The following LHX6 variants were observed in gnomAD, a reference collection of about 807,000 sequenced individuals.
LHX6 encodes LIM/homeobox protein Lhx6.
In LHX6, 15 loss-of-function variants were observed where a neutral mutation model predicts 47.1. The ratio of observed to expected loss-of-function variants is 0.32; its 90% confidence interval spans 0.21 to 0.49. The LOEUF is 0.49. Ranked by LOEUF, LHX6 falls within the 20% of genes least tolerant of loss-of-function variation. LHX6 has a pLI of 0.99. For synonymous variants in LHX6, 242 were observed against 233.5 expected (o/e 1.04, Z -0.33); for missense variants, 404 against 539.6 (o/e 0.75, Z 2.49).
chr9:122,219,059 G>C (rs559619140), intron 4 of LHX6, among the ~76,000 whole-genome samples: 1 of 152,188 alleles, frequency 6.6e-6, no homozygotes, highest in Non-Finnish European at 1.5e-5. Context: ...CCCTCCACCC[G>C]GGGGAGCATT....
In LHX6 at chr9:122,217,324, C is replaced by A; in HGVS notation, c.462-36G>T. The A allele has an allele frequency of 6.4e-7, 1 of 1,551,846 alleles. No individual in the cohort carries two copies. The highest frequency in any genetic ancestry group is 8.7e-7 in the Non-Finnish European group (1 of 1,144,998). On this transcript the variant is annotated intron_variant, in intron 4 of 9. Transcript: ENST00000394319. This position sits in a 1 kb window ranked among gnomAD's most constrained non-coding sequence, Gnocchi z 4.9. ...AGAGGACAGGCACGGGGTGTCGAGA[C>A]TCAGACAGGCCAACCTTCCTCCTTC... is the stretch of plus-strand genomic sequence containing the variant.
intron 1 of LHX6, 157 bp from the exon 2 acceptor site, chr9:122,227,637 G>C (rs1256230306): frequency 5.2e-6 from 7 of 1,341,206 alleles, no homozygotes; most frequent in Non-Finnish European, 6.7e-6. Flanking sequence ...CCACAAAAGC[G>C]GTGTCTCTCT....
chr9:122,223,872 A>G (rs928288862), intron 4 of LHX6, among the ~76,000 whole-genome samples: 2 of 152,158 alleles, frequency 1.3e-5, no homozygotes, highest in African/African-American at 4.8e-5. Context: ...TGCCAAATCT[A>G]TTGTTAGGAG....
At chr9:122,218,459 T>C (rs1179952172) in intron 4 of LHX6, among the ~76,000 whole-genome samples, 1 of 152,018 alleles carries the variant, frequency 6.6e-6, no homozygotes, top group Non-Finnish European at 1.5e-5. Context: ...ATCTCTGGGA[T>C]CCATCTCCTT....
At chr9:122,215,402 AG>A (rs1292283389) in intron 5 of LHX6, among the ~76,000 whole-genome samples, 1 of 152,240 alleles carries the variant, frequency 6.6e-6, no homozygotes, top group Non-Finnish European at 1.5e-5. Context: ...ATGTTTAAAA[AG>A]TGAAACAGTA....
intron 5 of LHX6, 108 bp downstream of exon 5, chr9:122,216,960 C>T (rs1000114675): frequency 3.3e-6 from 3 of 913,344 alleles, no homozygotes; most frequent in South Asian, 3.2e-5. Context: ...GGGACTATAC[C>T]GGGAGGGCCC....
In LHX6 at chr9:122,213,862, G is replaced by T. The variant is rs752492400; in HGVS notation, c.880-82C>A. ...GGGAGACCCCAGGCGGGACTGCCTCGTCGCCTCCTGGAGAAGGATGGCCAC... is the reference window on the plus strand; with the variant it reads ...GGGAGACCCCAGGCGGGACTGCCTCTTCGCCTCCTGGAGAAGGATGGCCAC... On this transcript the variant is annotated intron_variant, in intron 7 of 9. Coordinates refer to ENST00000394319, the MANE Select transcript of LHX6 (RefSeq NM_014368.5). This position sits in a 1 kb window ranked among gnomAD's most constrained non-coding sequence, Gnocchi z 5.5. 6.6e-7 allele frequency: 1 copy of T among 1,520,810 alleles called. No homozygotes were observed. The highest frequency in any genetic ancestry group is 1.2e-5 in the South Asian group (1 of 84,394). 94.2% of individuals were successfully genotyped at this position (1,520,810 alleles called of 1,614,324 possible). A position where few individuals can be genotyped will look rare whatever the true frequency, so the allele number is the denominator to read the frequency against.
At chr9:122,227,069 G>C in intron 2 of LHX6, 39 bp from the exon 3 acceptor site, 2 of 1,443,810 alleles carry the variant, frequency 1.4e-6, no homozygotes, top group Non-Finnish European at 1.8e-6. Flanking sequence ...GCTGATCCGG[G>C]CACCCAGAGT....
chr9:122,224,823 C>T (rs1831025333), intron 4 of LHX6, among the ~76,000 whole-genome samples: 1 of 152,176 alleles, frequency 6.6e-6, no homozygotes, highest in Non-Finnish European at 1.5e-5. Flanking sequence ...ATGCTATCTA[C>T]ATACCCCCAA....
intron 9 of LHX6, among the ~76,000 whole-genome samples, chr9:122,206,330 G>A (rs1830178716): frequency 6.6e-6 from 1 of 152,186 alleles, no homozygotes; most frequent in African/African-American, 2.4e-5. Context: ...AGCTAGGCAG[G>A]CTCAGGCCTG....
Position 122,213,833 on chromosome 9 carries a change from C to T in LHX6, c.880-53G>A, listed in dbSNP as rs1339124900. On this transcript the variant is annotated intron_variant, in intron 7 of 9. Transcript: ENST00000394319. This position sits in a 1 kb window ranked among gnomAD's most constrained non-coding sequence, Gnocchi z 5.5. ...CCTCGAGGAAAAGAGTCGGACGCGC[C>T]GCCGGGAGACCCCAGGCGGGACTGC... 1 of 1,544,778 alleles carries T rather than the reference C, an allele frequency of 6.5e-7. No homozygotes were observed. Among genetic ancestry groups the T allele is most frequent in the Non-Finnish European group, 8.7e-7 (1 of 1,144,616 alleles).
At position 122,226,238 on chromosome 9, in the gene LHX6, T is replaced by C. The variant is rs1335224767; in HGVS notation, c.461+138A>G. The C allele has an allele frequency of 2.6e-6, 3 of 1,166,868 alleles. No individual in the cohort carries two copies. The highest frequency in any genetic ancestry group is 3.5e-6 in the Non-Finnish European group (3 of 853,886). The allele number at this position is 1,166,868 out of a possible 1,614,324, so 72.3% of individuals were successfully genotyped here. ...GTTCGCGCCGCTGAGCGCCGGCAGGTTGGACCAGCGCTGCGCGCCGGAAGT... is the reference window on the plus strand; with the variant it reads ...GTTCGCGCCGCTGAGCGCCGGCAGGCTGGACCAGCGCTGCGCGCCGGAAGT... On this transcript the variant is annotated intron_variant, in intron 4 of 9. Coordinates refer to ENST00000394319, the MANE Select transcript of LHX6 (RefSeq NM_014368.5). This position sits in a 1 kb window ranked among gnomAD's most constrained non-coding sequence, Gnocchi z 6.5.
In LHX6 at chr9:122,213,718, G is replaced by A. The variant is rs1299862058; in HGVS notation, c.942C>T (p.Pro314=). Residue 314 remains proline (P), a synonymous_variant, in exon 8 of 10, where the codon CCC becomes CCT. Transcript: ENST00000394319. This position sits in a 1 kb window ranked among gnomAD's most constrained non-coding sequence, Gnocchi z 5.5. ...GAAGGCGGGACGGGGGCGCCCCCGAGGGCGGCACTGGGTGTTGCGGCGTGT... is the reference window on the plus strand; with the variant it reads ...GAAGGCGGGACGGGGGCGCCCCCGAAGGCGGCACTGGGTGTTGCGGCGTGT... ...KKHTPQHPVP[P]SGAPPSRLPS... is the part of the protein sequence containing the mutation. 4 of 1,611,784 alleles carry A rather than the reference G, an allele frequency of 2.5e-6. No individual in the cohort carries two copies. The African/African-American group carries it at 5.3e-5, about 22-fold the overall frequency.
rs966981135 is a variant in LHX6, at chr9:122,213,209, G to A, written c.1054+397C>T. On this transcript the variant is annotated intron_variant, in intron 8 of 9. Transcript: ENST00000394319. The surrounding 1 kb of genome is among the most constrained non-coding windows in gnomAD (Gnocchi z 5.5). ...CAGCATCTCCAGTCACTCCTACCCA[G>A]CACCTTTCCTACAGGAATCATCCCA... Among the ~76,000 whole-genome samples the A allele has an allele frequency of 4.0e-5, 6 of 151,880 alleles. No homozygotes were observed. In the East Asian group the frequency reaches 1.2e-3, roughly 29 times the overall value.
chr9:122,206,177 G>GGT (rs1830170336), intron 9 of LHX6, among the ~76,000 whole-genome samples: 2 of 152,202 alleles, frequency 1.3e-5, no homozygotes, highest in African/African-American at 2.4e-5. Flanking sequence ...GAACCTCACA[G>GGT]GTGTGTGTGG....
intron 4 of LHX6, chr9:122,221,710 T>C: frequency 2.0e-6 from 2 of 985,448 alleles, no homozygotes; most frequent in Non-Finnish European, 2.4e-6. Flanking sequence ...CCTGCCTAAG[T>C]GTTGCAAGAT....
chr9:122,210,781 C>CT (rs1283893520), intron 8 of LHX6, among the ~76,000 whole-genome samples: 39 of 152,018 alleles, frequency 2.6e-4, no homozygotes, highest in African/African-American at 8.9e-4. Context: ...CAGGCTGGTC[C>CT]TGAACTCCTG....
rs1830481663 is a variant in LHX6 at position 122,213,821 on chromosome 9, A to G, written c.880-41T>C. Reference sequence around the variant, plus strand: ...CGGCAGCCTCAGCCTCGAGGAAAAGAGTCGGACGCGCCGCCGGGAGACCCC... The same window carrying G: ...CGGCAGCCTCAGCCTCGAGGAAAAGGGTCGGACGCGCCGCCGGGAGACCCC... On this transcript the variant is annotated intron_variant, in intron 7 of 9. Transcript: ENST00000394319. The surrounding 1 kb of genome is among the most constrained non-coding windows in gnomAD (Gnocchi z 5.5). The G allele has an allele frequency of 6.4e-7, 1 of 1,553,196 alleles. No individual in the cohort carries two copies. The highest frequency in any genetic ancestry group is 1.2e-5 in the South Asian group (1 of 84,898).
chr9:122,205,631 T>C (rs10985564), intron 9 of LHX6, among the ~76,000 whole-genome samples: 80,171 of 151,916 alleles, frequency 0.53, 21,920 homozygotes, highest in Non-Finnish European at 0.61. Context: ...GAATGTTACT[T>C]GCCCAGAACT....
Sources: allele counts gnomAD v4.1 joint callset (sites outside exome capture counted in the v4.1 genomes callset), GRCh38; gene constraint gnomAD v4.1.1; non-coding constraint Gnocchi (gnomAD v3.1); transcripts MANE v1.5; gene names NCBI Gene and HGNC (gene_info 2026-07-23, HGNC 2026-07-21).